Variants in NFKB1 observed in about 807,000 individuals in gnomAD.
The protein encoded by NFKB1 is nuclear factor kappa B subunit 1.
NFKB1 carries 9 observed loss-of-function variants against 105.1 expected under a neutral mutation model. The observed-to-expected ratio is 0.09, with a 90% confidence interval of 0.05 to 0.15. The LOEUF is 0.15. Among genes scored for constraint, NFKB1 ranks in the 10% least tolerant of loss-of-function variants. NFKB1 has a pLI of 1.00. For missense variants in NFKB1, 830 were observed against 1,203.7 expected, an observed-to-expected ratio of 0.69 and a Z score of 4.59; for synonymous variants, 440 against 442.2, an observed-to-expected ratio of 1.00 and a Z score of 0.06.
intron 5 of NFKB1, among the ~76,000 whole-genome samples, chr4:102,563,810 A>T (rs1027282716): frequency 2.8e-5 from 4 of 144,286 alleles, no homozygotes; most frequent in East Asian, 2.0e-4. Flanking sequence ...TTTAACTGAA[A>T]GCTTAACTCT....
At chr4:102,597,763 T>C (rs1726757785) in intron 15 of NFKB1, 102 bp downstream of exon 15, 2 of 1,332,050 alleles carry the variant, frequency 1.5e-6, no homozygotes, top group Admixed American at 2.4e-5. Context: ...TTCAAATATA[T>C]TGAGTCCTCT....
In NFKB1 at chr4:102,597,625, G is replaced by A. The variant is rs150281816; in HGVS notation, c.1601G>A (p.Arg534His). Residue 534 changes from arginine (R) to histidine (H), a missense_variant, in exon 15 of 24, where the codon CGC (arginine) becomes CAC (histidine). By Grantham distance (29) the Arg-to-His change is conservative (BLOSUM62 0). This residue lies in a region of NFKB1 where 418 missense variants were observed against 575.3 expected (regional missense o/e 0.73). Transcript: ENST00000226574. ...GDVKMLLAVQ[R>H]HLTAVQDENG... ...GTGAAGATGCTGCTGGCCGTCCAGCGCCATCTCACTGCTGTGCAGGATGAG... is the reference window on the plus strand; with the variant it reads ...GTGAAGATGCTGCTGGCCGTCCAGCACCATCTCACTGCTGTGCAGGATGAG... 764 of 1,613,650 alleles carry A rather than the reference G, an allele frequency of 4.7e-4. No individual in the cohort carries two copies. The highest frequency in any genetic ancestry group is 1.0e-3 in the East Asian group (46 of 44,884).
chr4:102,561,705 CA>C (rs1723459092), intron 5 of NFKB1, among the ~76,000 whole-genome samples: 1 of 152,156 alleles, frequency 6.6e-6, no homozygotes, highest in African/African-American at 2.4e-5. Flanking sequence ...TCAGTTCCTC[CA>C]GCTGTGAAAT....
intron 23 of NFKB1, among the ~76,000 whole-genome samples, chr4:102,615,454 G>T (rs1166240782): frequency 6.6e-6 from 1 of 152,170 alleles, no homozygotes; most frequent in Non-Finnish European, 1.5e-5. Flanking sequence ...CCTGCCAGGG[G>T]GCCTTCCCAG....
chr4:102,607,435 T>C (rs1288581546), intron 18 of NFKB1, 116 bp downstream of exon 18: 3 of 1,252,006 alleles, frequency 2.4e-6, no homozygotes, highest in East Asian at 4.7e-5. Context: ...TCTATTTGTT[T>C]AACATTTATG....
At position 102,616,554 on chromosome 4, in the gene NFKB1, A is replaced by T. The variant is rs201983448; in HGVS notation, c.2870A>T (p.His957Leu). The T allele has an allele frequency of 1.2e-5, 19 of 1,614,004 alleles. No homozygotes were observed. The highest frequency in any genetic ancestry group is 2.5e-6 in the Non-Finnish European group (3 of 1,180,038). Residue 957 changes from histidine (H) to leucine (L), a missense_variant, in exon 24 of 24, where the codon CAT (histidine) becomes CTT (leucine). His to Leu is a moderately conservative substitution (Grantham distance 99, BLOSUM62 -3). This residue lies in a region of NFKB1 where 418 missense variants were observed against 575.3 expected (regional missense o/e 0.73). Coordinates refer to ENST00000226574, the MANE Select transcript of NFKB1 (RefSeq NM_003998.4). ...ASLLTLNKMP[H>L]DYGQEGPLEG... is the part of the protein sequence containing the mutation. Reference sequence around the variant, plus strand: ...CTGCTAACTCTCAACAAAATGCCCCATGATTATGGGCAGGAAGGACCTCTA... The same window carrying T: ...CTGCTAACTCTCAACAAAATGCCCCTTGATTATGGGCAGGAAGGACCTCTA...
chr4:102,528,449 C>T (rs1741068181), intron 2 of NFKB1, among the ~76,000 whole-genome samples: 1 of 151,974 alleles, frequency 6.6e-6, no homozygotes, highest in Non-Finnish European at 1.5e-5. Flanking sequence ...TTTATTTAAA[C>T]GAGATTTTTC....
At chr4:102,503,112 A>C (rs1739195580) in intron 1 of NFKB1, among the ~76,000 whole-genome samples, 1 of 152,192 alleles carries the variant, frequency 6.6e-6, no homozygotes, top group Non-Finnish European at 1.5e-5. Flanking sequence ...CACTATAGGA[A>C]TTATGTATTT....
At chr4:102,593,822 A>T (rs1046585930) in intron 12 of NFKB1, among the ~76,000 whole-genome samples, 5 of 152,186 alleles carry the variant, frequency 3.3e-5, no homozygotes, top group African/African-American at 1.2e-4. Flanking sequence ...ATACCTTCCT[A>T]AAGATTTTGG....
At position 102,606,860 on chromosome 4, in the gene NFKB1, A is replaced by G. The variant is rs4648096; in HGVS notation, c.1954+163A>G. Among the ~76,000 whole-genome samples, 418 of 152,250 alleles carry G rather than the reference A, an allele frequency of 2.7e-3. 4 individuals carry two copies. The highest frequency in any genetic ancestry group is 9.7e-3 in the African/African-American group (403 of 41,534). ...GCATTTCTGTTGCTCACCAAAGCTA[A>G]TTTTTTTAAAGATGATTTGGAATAG... On this transcript the variant is annotated intron_variant, in intron 17 of 23. Coordinates refer to ENST00000226574, the MANE Select transcript of NFKB1 (RefSeq NM_003998.4).
At chr4:102,607,439 ATT>A in intron 18 of NFKB1, 120 bp downstream of exon 18, 1 of 1,217,986 alleles carries the variant, frequency 8.2e-7, no homozygotes, top group African/African-American at 1.5e-5. Context: ...TTTGTTTAAC[ATT>A]TATGGAGGGC....
At chr4:102,548,806 T>C (rs1047324092) in intron 5 of NFKB1, among the ~76,000 whole-genome samples, 5 of 152,174 alleles carry the variant, frequency 3.3e-5, no homozygotes, top group Non-Finnish European at 5.9e-5. Context: ...CTGTCTTCTC[T>C]CTGCGTCCCT....
chr4:102,590,439 T>C (rs542459702), intron 11 of NFKB1, among the ~76,000 whole-genome samples: 2 of 152,332 alleles, frequency 1.3e-5, no homozygotes, highest in African/African-American at 4.8e-5. Flanking sequence ...GTGGCAATAG[T>C]GTCAAGAAAG....
Position 102,596,187 on chromosome 4 carries a change from T to A in NFKB1, c.1350T>A (p.Ser450Arg), listed in dbSNP as rs1404499106. Residue 450 changes from serine (S) to arginine (R), a missense_variant, in exon 14 of 24, where the codon AGT (serine) becomes AGA (arginine). Physicochemically the swap from Ser to Arg is moderately radical, Grantham distance 110 (BLOSUM62 -1). This residue lies in a region of NFKB1 where 163 missense variants were observed against 164.3 expected (regional missense o/e 0.99). Transcript: ENST00000226574. Reference protein sequence around the residue: ...SKKDPEGCDKSDDKNTVNLFG... With the variant: ...SKKDPEGCDKRDDKNTVNLFG... ...AGGACCCTGAAGGTTGTGACAAAAG[T>A]GATGACAAAAACACTGTAAACCTCT... 1.2e-6 allele frequency: 2 copies of A among 1,612,474 alleles called. No individual in the cohort carries two copies. The highest frequency in any genetic ancestry group is 1.1e-5 in the South Asian group (1 of 90,924).
intron 5 of NFKB1, among the ~76,000 whole-genome samples, chr4:102,551,958 CAA>C (rs1354596354): frequency 6.6e-6 from 1 of 152,122 alleles, no homozygotes; most frequent in Non-Finnish European, 1.5e-5. Flanking sequence ...GCAACGCATG[CAA>C]AGAGATCTAG....
intron 16 of NFKB1, among the ~76,000 whole-genome samples, chr4:102,604,552 C>A (rs1470410304): frequency 6.6e-6 from 1 of 151,976 alleles, no homozygotes; most frequent in Non-Finnish European, 1.5e-5. Context: ...GCCTAAGTGG[C>A]ATTGTGCTAC....
intron 3 of NFKB1, among the ~76,000 whole-genome samples, chr4:102,530,466 G>C (rs1172923406): frequency 6.6e-6 from 1 of 151,780 alleles, no homozygotes; most frequent in African/African-American, 2.4e-5. Flanking sequence ...AATTTCGTAA[G>C]AGTAATAAAA....
intron 7 of NFKB1, chr4:102,577,820 C>G (rs1020448865): frequency 2.0e-6 from 2 of 985,410 alleles, no homozygotes; most frequent in Non-Finnish European, 2.4e-6. Flanking sequence ...ACACTACATT[C>G]CATTTTCATT....
chr4:102,602,555 G>A (rs937320083), intron 16 of NFKB1, among the ~76,000 whole-genome samples: 9 of 149,230 alleles, frequency 6.0e-5, no homozygotes, highest in East Asian at 1.9e-4. Context: ...AAAAAAAAAA[G>A]TGTGCTTTAA....
Sources: gnomAD v4.1 joint callset for allele counts (sites outside exome capture counted in the v4.1 genomes callset) on GRCh38, gnomAD v4.1.1 for gene constraint, gnomAD v4.1.1 regional missense constraint, MANE v1.5 for transcripts, NCBI Gene and HGNC (gene_info 2026-07-23, HGNC 2026-07-21) for gene names.